Variants in PTPRG observed in about 807,000 individuals in gnomAD.
The protein encoded by PTPRG is protein tyrosine phosphatase receptor type G, also known as receptor-type tyrosine-protein phosphatase gamma.
Under a neutral mutation model 165.3 loss-of-function variants are expected in PTPRG, and 102 were observed. That is an observed-to-expected ratio of 0.62 (90% CI 0.53 to 0.73). The LOEUF is 0.73. Ranked by LOEUF, PTPRG falls within the 30% of genes least tolerant of loss-of-function variation. The pLI is 0.00. For missense variants in PTPRG, 1,866 were observed against 1,861.4 expected (o/e 1.00, Z -0.05); for synonymous variants, 675 against 669.5 (o/e 1.01, Z -0.13).
At chr3:61,592,573 A>G (rs1367869705) in intron 1 of PTPRG, among the ~76,000 whole-genome samples, 2 of 151,320 alleles carry the variant, frequency 1.3e-5, no homozygotes, top group Non-Finnish European at 2.9e-5. Flanking sequence ...AAATAGTTGC[A>G]TATTATTTTC....
intron 1 of PTPRG, among the ~76,000 whole-genome samples, chr3:61,703,078 G>T (rs538395783): frequency 1.3e-5 from 2 of 151,920 alleles, no homozygotes; most frequent in Non-Finnish European, 2.9e-5. Context: ...GCCTTGGCTC[G>T]TTACCACTAC....
At chr3:62,080,587 C>T (rs1701537441) in intron 5 of PTPRG, among the ~76,000 whole-genome samples, 1 of 152,142 alleles carries the variant, frequency 6.6e-6, no homozygotes, top group Non-Finnish European at 1.5e-5. Context: ...AACCTGTGCT[C>T]AGACCTCCAA....
intron 5 of PTPRG, among the ~76,000 whole-genome samples, chr3:62,082,275 G>A (rs906937140): frequency 1.3e-5 from 2 of 151,892 alleles, no homozygotes; most frequent in African/African-American, 4.8e-5. Context: ...GGTAATTTTG[G>A]CTTTCTGTCT....
intron 1 of PTPRG, among the ~76,000 whole-genome samples, chr3:61,590,820 A>G (rs1456031467): frequency 6.6e-6 from 1 of 152,154 alleles, no homozygotes; most frequent in East Asian, 1.9e-4. Flanking sequence ...TCTATTGTTG[A>G]AAATATGTTG....
chr3:61,944,423 C>T (rs746187858), intron 2 of PTPRG, among the ~76,000 whole-genome samples: 27 of 152,292 alleles, frequency 1.8e-4, no homozygotes, highest in African/African-American at 3.4e-4. Context: ...GTGCTTCCAT[C>T]GTCTTCCTCA....
intron 1 of PTPRG, among the ~76,000 whole-genome samples, chr3:61,603,950 C>A (rs1419222356): frequency 6.6e-6 from 1 of 152,164 alleles, no homozygotes; most frequent in African/African-American, 2.4e-5. Context: ...CCACAGTGAC[C>A]CTATTTCCAA....
intron 1 of PTPRG, among the ~76,000 whole-genome samples, chr3:61,660,606 G>A (rs906545446): frequency 6.6e-6 from 1 of 152,138 alleles, no homozygotes; most frequent in Non-Finnish European, 1.5e-5. Flanking sequence ...CATGGTGTTG[G>A]TATCAGGATT....
intron 1 of PTPRG, among the ~76,000 whole-genome samples, chr3:61,653,884 T>C (rs1702431829): frequency 1.5e-5 from 1 of 67,508 alleles, no homozygotes; most frequent in Non-Finnish European, 2.8e-5. Context: ...GTGCAGGTTG[T>C]TAAGCGGGGA....
At chr3:62,155,716 T>C (rs963513462) in intron 6 of PTPRG, among the ~76,000 whole-genome samples, 3 of 152,238 alleles carry the variant, frequency 2.0e-5, no homozygotes, top group Non-Finnish European at 4.4e-5. Context: ...GTTGGGTTTT[T>C]GCATTATCCC....
chr3:61,846,124 T>A (rs2036798864), intron 2 of PTPRG, among the ~76,000 whole-genome samples: 1 of 152,218 alleles, frequency 6.6e-6, no homozygotes, highest in Non-Finnish European at 1.5e-5. Context: ...AAAGAAGATC[T>A]GCCTAAAGCA....
At chr3:61,805,530 C>CAAAAAAAAAAAAAAAAAAAAAAAAAA in intron 2 of PTPRG, among the ~76,000 whole-genome samples, 1 of 96,534 alleles carries the variant, frequency 1.0e-5, no homozygotes, top group Non-Finnish European at 2.3e-5. Context: ...ATGGGAAAGA[C>CAAAAAAAAAAAAAAAAAAAAAAAAAA]AAAAAAAAAA....
intron 2 of PTPRG, among the ~76,000 whole-genome samples, chr3:61,885,163 C>T (rs1375801088): frequency 3.4e-5 from 5 of 146,952 alleles, no homozygotes; most frequent in African/African-American, 1.3e-4. Flanking sequence ...TGTCTTTTCA[C>T]TCAATTTGTA....
chr3:62,065,666 T>C (rs1476747522), intron 4 of PTPRG, among the ~76,000 whole-genome samples: 10 of 152,212 alleles, frequency 6.6e-5, no homozygotes, highest in Admixed American at 6.5e-4. Context: ...ATTCATTCCA[T>C]AGTCATTTAA....
chr3:62,090,904 G>A (rs1414371152), intron 5 of PTPRG, among the ~76,000 whole-genome samples: 1 of 152,044 alleles, frequency 6.6e-6, no homozygotes, highest in Admixed American at 6.6e-5. Context: ...TGTTCCTTTG[G>A]ACAAATCTAT....
intron 1 of PTPRG, among the ~76,000 whole-genome samples, chr3:61,710,363 C>A (rs758710716): frequency 6.6e-5 from 10 of 152,176 alleles, no homozygotes; most frequent in Non-Finnish European, 1.5e-4. Context: ...AGACCCCTTT[C>A]CATGTCGAAT....
intron 1 of PTPRG, among the ~76,000 whole-genome samples, chr3:61,717,314 GTTA>G (rs1376984574): frequency 6.6e-6 from 1 of 152,112 alleles, no homozygotes; most frequent in African/African-American, 2.4e-5. Flanking sequence ...GGTACATATT[GTTA>G]TTATTCCCAT....
chr3:61,987,094 G>C (rs927056323), intron 2 of PTPRG, among the ~76,000 whole-genome samples: 1 of 152,184 alleles, frequency 6.6e-6, no homozygotes, highest in African/African-American at 2.4e-5. Context: ...GCTTCGATGT[G>C]AGAATAGATA....
At chr3:62,285,617 CTA>C (rs1702619925) in intron 28 of PTPRG, among the ~76,000 whole-genome samples, 1 of 151,410 alleles carries the variant, frequency 6.6e-6, no homozygotes, top group African/African-American at 2.4e-5. Flanking sequence ...TAAACTGCTT[CTA>C]TTTGAGGACA....
intron 2 of PTPRG, among the ~76,000 whole-genome samples, chr3:61,913,220 C>G (rs992538805): frequency 1.3e-5 from 2 of 152,098 alleles, no homozygotes; most frequent in African/African-American, 4.8e-5. Flanking sequence ...ACAACGTTTT[C>G]TTTTTTATTT....
Sources: allele counts gnomAD v4.1 joint callset (sites outside exome capture counted in the v4.1 genomes callset), GRCh38; gene constraint gnomAD v4.1.1; transcripts MANE v1.5; gene names NCBI Gene and HGNC (gene_info 2026-07-23, HGNC 2026-07-21).